XPO7: variants seen among roughly 807,000 people sequenced by gnomAD.
The protein encoded by XPO7 is exportin-7.
In XPO7, 21 loss-of-function variants were observed where a neutral mutation model predicts 144.3. That is an observed-to-expected ratio of 0.15 (90% CI 0.10 to 0.21). The LOEUF (loss-of-function observed/expected upper bound fraction) is 0.21, where lower values mean the gene tolerates loss of function less well. Ranked by LOEUF, XPO7 falls within the 10% of genes least tolerant of loss-of-function variation. The pLI is 1.00. For missense variants in XPO7, 808 were observed against 1,325.8 expected (o/e 0.61, Z 6.06); for synonymous variants, 580 against 499.6 (o/e 1.16, Z -2.15).
intron 2 of XPO7, 34 bp downstream of exon 2, chr8:21,967,037 G>T (rs778876744): frequency 6.3e-7 from 1 of 1,593,904 alleles, no homozygotes; most frequent in Admixed American, 1.7e-5. Flanking sequence ...AAGGATAACA[G>T]GCGCTTCGGA....
At chr8:21,970,369 A>C (rs1585453029) in intron 4 of XPO7, 59 bp downstream of exon 4, 2 of 1,135,686 alleles carry the variant, frequency 1.8e-6, no homozygotes, top group South Asian at 1.5e-5. Flanking sequence ...CATATATATA[A>C]ACACACACAC....
chr8:21,954,612 C>G (rs982518156), intron 1 of XPO7, among the ~76,000 whole-genome samples: 22 of 151,948 alleles, frequency 1.4e-4, no homozygotes, highest in Admixed American at 6.6e-5. Flanking sequence ...CCAGCCTGGG[C>G]AACAGAGTGA....
At chr8:21,982,291 C>T (rs182861526) in intron 10 of XPO7, among the ~76,000 whole-genome samples, 138 of 152,228 alleles carry the variant, frequency 9.1e-4, no homozygotes, top group Non-Finnish European at 1.4e-3. Context: ...ATTCTTGAGT[C>T]TTATCCCCAT....
intron 1 of XPO7, among the ~76,000 whole-genome samples, chr8:21,959,421 G>T (rs1441250694): frequency 6.6e-6 from 1 of 152,182 alleles, no homozygotes; most frequent in African/African-American, 2.4e-5. Context: ...GAAAATATTT[G>T]AATGATTTGA....
chr8:22,000,006 G>A (rs1206264188), intron 24 of XPO7, among the ~76,000 whole-genome samples: 2 of 152,166 alleles, frequency 1.3e-5, no homozygotes, highest in Non-Finnish European at 2.9e-5. Flanking sequence ...TTACAATAGG[G>A]GTGAGTACAA....
chr8:21,991,477 T>C (rs1233201525), intron 18 of XPO7, among the ~76,000 whole-genome samples: 1 of 152,198 alleles, frequency 6.6e-6, no homozygotes, highest in Non-Finnish European at 1.5e-5. Context: ...TTTAAAAAAT[T>C]AAGTGTGAAT....
intron 4 of XPO7, among the ~76,000 whole-genome samples, chr8:21,971,390 T>TA (rs540515096): frequency 1.3e-5 from 2 of 152,194 alleles, no homozygotes; most frequent in African/African-American, 2.4e-5. Flanking sequence ...TTTAATAGGT[T>TA]AAAAAAATTG....
At chr8:21,993,133 G>A (rs1005149719) in intron 19 of XPO7, among the ~76,000 whole-genome samples, 4 of 151,152 alleles carry the variant, frequency 2.6e-5, no homozygotes, top group Non-Finnish European at 4.5e-5. Flanking sequence ...GGTTATTGTG[G>A]AACATATTAC....
chr8:21,920,845 C>A (rs1487178924), intron 1 of XPO7, among the ~76,000 whole-genome samples: 1 of 152,138 alleles, frequency 6.6e-6, no homozygotes, highest in Admixed American at 6.5e-5. Flanking sequence ...GAAGTGTCGC[C>A]TTTATATTCT....
intron 9 of XPO7, 33 bp downstream of exon 9, chr8:21,980,236 G>T: frequency 6.4e-7 from 1 of 1,552,930 alleles, no homozygotes. Context: ...ATATGTATAG[G>T]ATTAGTGTAT....
At chr8:21,997,227 C>T (rs1256136641) in intron 21 of XPO7, among the ~76,000 whole-genome samples, 1 of 152,220 alleles carries the variant, frequency 6.6e-6, no homozygotes. Flanking sequence ...AGAGCACTTA[C>T]TCTTTGCCAA....
At chr8:21,921,801 T>C (rs889451031) in intron 1 of XPO7, among the ~76,000 whole-genome samples, 9 of 152,208 alleles carry the variant, frequency 5.9e-5, no homozygotes, top group African/African-American at 2.2e-4. Flanking sequence ...TGCTTAGTGG[T>C]CTTCATATCA....
intron 8 of XPO7, among the ~76,000 whole-genome samples, chr8:21,979,437 T>C (rs1447362901): frequency 2.0e-5 from 3 of 150,580 alleles, no homozygotes; most frequent in Non-Finnish European, 4.4e-5. Flanking sequence ...AGACGGAGTC[T>C]CTCACTGTTG....
In XPO7 at chr8:21,951,319, A is replaced by G. The variant is rs572492343; in HGVS notation, c.19-15538A>G. ...CTTAATTACCCTTTTGAATACTGCA[A>G]CCTACACTTCTATTATATACCCACA... On this transcript the variant is annotated intron_variant, in intron 1 of 27. Transcript: ENST00000252512. Among the ~76,000 whole-genome samples, 6 of 151,846 alleles carry G rather than the reference A, an allele frequency of 4.0e-5. No homozygotes were observed. The South Asian group carries it at 1.2e-3, about 32-fold the overall frequency.
intron 11 of XPO7, among the ~76,000 whole-genome samples, chr8:21,984,023 C>T (rs1812490251): frequency 6.6e-6 from 1 of 152,178 alleles, no homozygotes; most frequent in Non-Finnish European, 1.5e-5. Flanking sequence ...AAGAAATTTC[C>T]TCATCAGTTT....
In XPO7 at chr8:21,985,666, G is replaced by A. The variant is rs529616932; in HGVS notation, c.1552G>A (p.Ala518Thr). The change falls in exon 13 of 28, where the codon GCC (alanine) becomes ACC (threonine). Residue 518 changes from alanine to threonine, a missense_variant. Coordinates refer to ENST00000252512, the MANE Select transcript of XPO7 (RefSeq NM_015024.5). ...VSFASTDEQD[A>T]MDGELVCRVL... The stretch of plus-strand genomic sequence containing the variant: ...TTTTGCCAGCACTGATGAGCAAGAC[G>A]CCATGGATGGTGAGCTTGTCTGTCG... 8 of 1,613,654 alleles carry A rather than the reference G, an allele frequency of 5.0e-6. No individual in the cohort carries two copies. The Admixed American group carries it at 6.7e-5, about 13-fold the overall frequency.
At chr8:21,963,479 A>T (rs2117316858) in intron 1 of XPO7, among the ~76,000 whole-genome samples, 2 of 152,324 alleles carry the variant, frequency 1.3e-5, no homozygotes, top group Middle Eastern at 6.8e-3. Context: ...GCAAATCATG[A>T]GGTCAGGAGT....
At chr8:21,941,582 A>G (rs1291124652) in intron 1 of XPO7, among the ~76,000 whole-genome samples, 1 of 152,182 alleles carries the variant, frequency 6.6e-6, no homozygotes, top group Non-Finnish European at 1.5e-5. Context: ...TTCAGTACAG[A>G]CAGACAAAAT....
chr8:21,926,379 G>A (rs1445272355), intron 1 of XPO7, among the ~76,000 whole-genome samples: 1 of 152,154 alleles, frequency 6.6e-6, no homozygotes, highest in African/African-American at 2.4e-5. Flanking sequence ...AGAACTGAGA[G>A]TTTTGCTAGA....
Sources: gnomAD v4.1 joint callset for allele counts (sites outside exome capture counted in the v4.1 genomes callset) on GRCh38, gnomAD v4.1.1 for gene constraint, MANE v1.5 for transcripts, NCBI Gene and HGNC (gene_info 2026-07-23, HGNC 2026-07-21) for gene names.